The following OR10H1 variants were observed in gnomAD, a reference collection of about 807,000 sequenced individuals.
The protein encoded by OR10H1 is olfactory receptor family 10 subfamily H member 1.
OR10H1 carries 12 observed loss-of-function variants against 13.1 expected under a neutral mutation model. The ratio of observed to expected loss-of-function variants is 0.92; its 90% CI spans 0.59 to 1.48. The LOEUF is 1.48. Among genes scored for constraint, OR10H1 ranks in the 40% most tolerant of loss-of-function variants. OR10H1 has a pLI of 0.00. For synonymous variants in OR10H1, 168 were observed against 175.6 expected, an observed-to-expected ratio of 0.96 and a Z score of 0.34; for missense variants, 363 against 413.1, an observed-to-expected ratio of 0.88 and a Z score of 1.05.
chr19:15,813,596 G>A (rs2088947031), intron 1 of OR10H1, among the ~76,000 whole-genome samples: 1 of 148,726 alleles, frequency 6.7e-6, no homozygotes, highest in Non-Finnish European at 1.5e-5. Context: ...GACACAGAGA[G>A]ATGTGGGGAA....
intron 2 of OR10H1, among the ~76,000 whole-genome samples, chr19:15,809,270 TTATTTATTTATTTATG>T (rs908373056): frequency 4.2e-4 from 49 of 116,742 alleles, no homozygotes; most frequent in East Asian, 1.2e-3. Flanking sequence ...GATTATTTAT[TTATTTATTTATTTATG>T]TATTTATTTA....
rs2088912223 is a variant in OR10H1, at chr19:15,807,942, C to G, written c.96G>C (p.Leu32=). 7.4e-6 allele frequency: 12 copies of G among 1,614,058 alleles called. No individual in the cohort carries two copies. Among genetic ancestry groups the G allele is most frequent in the Non-Finnish European group, 1.0e-5 (12 of 1,180,022 alleles). ...HLQLMLFLLF[L]LMYLFTLLGN... ...CCAGCAGCGTGAACAGGTACATCAG[C>G]AGGAACAGCAGGAAGAGCATCAGCT... Residue 32 remains leucine, a synonymous_variant, in exon 4 of 4, where the codon CTG becomes CTC. Coordinates refer to ENST00000641419, the MANE Select transcript of OR10H1 (RefSeq NM_013940.4).
intron 1 of OR10H1, among the ~76,000 whole-genome samples, chr19:15,813,284 T>C (rs565410221): frequency 6.6e-6 from 1 of 152,292 alleles, no homozygotes; most frequent in Non-Finnish European, 1.5e-5. Flanking sequence ...ATAAAGTCTA[T>C]TAATTTTAAA....
At chr19:15,810,519 T>C (rs2088927374) in intron 2 of OR10H1, among the ~76,000 whole-genome samples, 1 of 152,080 alleles carries the variant, frequency 6.6e-6, no homozygotes, top group African/African-American at 2.4e-5. Flanking sequence ...TGTTTATGGC[T>C]GAACGATTTT....
chr19:15,807,773 G>A lies in OR10H1; in HGVS notation c.265C>T (p.Gln89Ter), dbSNP rs776869228. The A allele has an allele frequency of 1.9e-6, 3 of 1,608,794 alleles. No individual in the cohort carries two copies. The highest frequency in any genetic ancestry group is 2.2e-5 in the East Asian group (1 of 44,850). The change falls in exon 4 of 4, where the codon CAG (glutamine) becomes TAG (stop). Residue 89 changes from glutamine to a stop codon, truncating the protein, a stop_gained. Transcript: ENST00000641419. LOFTEE classifies it high-confidence loss of function. ...CAGGCCAGGAAGGCGATGGAGCGCT[G>A]GGTGGACAGCAGGTCGGCCAGCATG... ...PRMLADLLST[Q>*]RSIAFLACAS... is the part of the protein sequence containing the mutation.
Position 15,807,620 on chromosome 19 carries a change from C to A in OR10H1, c.418G>T (p.Gly140Cys), listed in dbSNP as rs780214769. ...GAGCAGCCCACCAGGCAGGCGCAGC[C>A]CCGCGGGCTCATGAGCACGTTGTAG... ...LRYNVLMSPR[G>C]CACLVGCSWA... Residue 140 changes from glycine (G) to cysteine (C), a missense_variant, in exon 4 of 4, where the codon GGC becomes TGC. Physicochemically the swap from Gly to Cys is radical, Grantham distance 159. Coordinates refer to ENST00000641419, the MANE Select transcript of OR10H1 (RefSeq NM_013940.4). 4.3e-6 allele frequency: 7 copies of A among 1,614,186 alleles called. No homozygotes were observed. Among genetic ancestry groups the A allele is most frequent in the African/African-American group, 2.7e-5 (2 of 75,052 alleles).
Position 15,805,764 on chromosome 19 carries a change from C to G in OR10H1, c.*1317G>C, listed in dbSNP as rs2088892735. On this transcript the variant is annotated 3_prime_UTR_variant, in exon 4 of 4. Transcript: ENST00000641419. Reference sequence around the variant, plus strand: ...CGCCTGGCCATGAGATAAACTCATCCTGGGGTCTACACTCAATGTCCAGAT... The same window carrying G: ...CGCCTGGCCATGAGATAAACTCATCGTGGGGTCTACACTCAATGTCCAGAT... 1 of 151,892 alleles carries G rather than the reference C, an allele frequency of 6.6e-6. No homozygotes were observed. The highest frequency in any genetic ancestry group is 1.5e-5 in the Non-Finnish European group (1 of 67,974). The allele number at this position is 151,892 out of a possible 1,614,324, so 9.4% of individuals were successfully genotyped here.
chr19:15,811,847 G>T (rs2088934042), intron 2 of OR10H1, among the ~76,000 whole-genome samples: 1 of 152,182 alleles, frequency 6.6e-6, no homozygotes. Context: ...TCATGACTTT[G>T]TTATGATGTT....
rs2088899052 is a variant in OR10H1, at chr19:15,807,011, G to A, written c.*70C>T. ...CAAAGTGCTGGGATTACAGGCATGA[G>A]TCACCACGGAACGTAATTTTTAACA... is the stretch of plus-strand genomic sequence containing the variant. On this transcript the variant is annotated 3_prime_UTR_variant, in exon 4 of 4. Coordinates refer to ENST00000641419, the MANE Select transcript of OR10H1 (RefSeq NM_013940.4). 9 of 1,433,946 alleles carry A rather than the reference G, an allele frequency of 6.3e-6. No individual in the cohort carries two copies. The South Asian group carries it at 1.2e-4, about 19-fold the overall frequency. The allele number at this position is 1,433,946 out of a possible 1,614,324, so 88.8% of individuals were successfully genotyped here.
intron 1 of OR10H1, among the ~76,000 whole-genome samples, 160 bp downstream of exon 1, chr19:15,815,395 C>G (rs899168013): frequency 1.3e-5 from 2 of 151,700 alleles, no homozygotes; most frequent in Non-Finnish European, 2.9e-5. Context: ...AAACAGCACA[C>G]TGACTAAGAC....
chr19:15,814,476 TGTGTGAGAGAGAGAGAGAGAGA>T (rs1166075864), intron 1 of OR10H1, among the ~76,000 whole-genome samples: 1,062 of 42,866 alleles, frequency 0.025, 13 homozygotes, highest in African/African-American at 0.12. Flanking sequence ...TGTGTGTGTG[TGTGTGAGAGAGAGAGAGAGAGA>T]GAGAGAGAGA....
chr19:15,807,310 G>A lies in OR10H1; in HGVS notation c.728C>T (p.Ala243Val). 5 of 1,613,904 alleles carry A rather than the reference G, an allele frequency of 3.1e-6. No individual in the cohort carries two copies. Among genetic ancestry groups the A allele is most frequent in the Non-Finnish European group, 4.2e-6 (5 of 1,179,812 alleles). Reference protein sequence around the residue: ...EGRNKAFSTCASHLTVVVVHY... With the variant: ...EGRNKAFSTCVSHLTVVVVHY... The stretch of plus-strand genomic sequence containing the variant: ...CACGACCACCACAGTGAGGTGAGAG[G>A]CACAGGTGGAGAAGGCCTTGTTCCG... The change falls in exon 4 of 4, where the codon GCC becomes GTC. Residue 243 changes from alanine (A) to valine (V), a missense_variant. By Grantham distance (64) the Ala-to-Val change is moderately conservative. Coordinates refer to ENST00000641419, the MANE Select transcript of OR10H1 (RefSeq NM_013940.4).
chr19:15,815,143 A>G (rs1378004017), intron 1 of OR10H1, among the ~76,000 whole-genome samples: 1 of 152,098 alleles, frequency 6.6e-6, no homozygotes. Flanking sequence ...GTTCAAGACC[A>G]GCCTGTCCAG....
In OR10H1 at chr19:15,806,882, A is replaced by C. The variant is rs1318257636; in HGVS notation, c.*199T>G. 7 of 554,698 alleles carry C rather than the reference A, an allele frequency of 1.3e-5. No individual in the cohort carries two copies. The highest frequency in any genetic ancestry group is 2.2e-5 in the Non-Finnish European group (7 of 311,684). The allele number at this position is 554,698 out of a possible 1,614,324, so 34.4% of individuals were successfully genotyped here. On this transcript the variant is annotated 3_prime_UTR_variant, in exon 4 of 4. Coordinates refer to ENST00000641419, the MANE Select transcript of OR10H1 (RefSeq NM_013940.4). ...GCTAGGGTTACAGGCATGTGCCAAC[A>C]TGCCTGGCTAATTTTTGTATTTTTA...
chr19:15,807,455 C>T lies in OR10H1; in HGVS notation c.583G>A (p.Val195Met). The T allele has an allele frequency of 2.5e-6, 4 of 1,614,208 alleles. No individual in the cohort carries two copies. Among genetic ancestry groups the T allele is most frequent in the Non-Finnish European group, 3.4e-6 (4 of 1,180,044 alleles). Residue 195 changes from valine to methionine, a missense_variant, in exon 4 of 4, where the codon GTG becomes ATG. Transcript: ENST00000641419. ...LKLACGDDVLVVAKGVGLVCI... is the reference protein window; with the variant it reads ...LKLACGDDVLMVAKGVGLVCI... ...ACCAAGCCCACGCCTTTGGCCACCA[C>T]CAGCACATCGTCTCCACAGGCCAAC...
chr19:15,814,474 TGTGTGTGA>T (rs1326312207), intron 1 of OR10H1, among the ~76,000 whole-genome samples: 121 of 31,414 alleles, frequency 3.9e-3, no homozygotes, highest in African/African-American at 0.013. Context: ...TGTGTGTGTG[TGTGTGTGA>T]GAGAGAGAGA....
At chr19:15,809,883 A>G (rs1406694987) in intron 2 of OR10H1, among the ~76,000 whole-genome samples, 1 of 151,882 alleles carries the variant, frequency 6.6e-6, no homozygotes, top group Admixed American at 6.6e-5. Context: ...CACAATTATC[A>G]TAGCTCACTG....
At position 15,806,932 on chromosome 19, in the gene OR10H1, A is replaced by G; in HGVS notation, c.*149T>C. 1 of 714,156 alleles carries G rather than the reference A, an allele frequency of 1.4e-6. No homozygotes were observed. Among genetic ancestry groups the G allele is most frequent in the South Asian group, 1.8e-5 (1 of 55,862 alleles). The allele number at this position is 714,156 out of a possible 1,614,324, so 44.2% of individuals were successfully genotyped here. On this transcript the variant is annotated 3_prime_UTR_variant, in exon 4 of 4. Transcript: ENST00000641419. ...AGTAGAGATGGGGTTTCGCCATGTT[A>G]GCCATGCTGGTCTCAAACTCCTGAC... is the stretch of plus-strand genomic sequence containing the variant.
intron 3 of OR10H1, among the ~76,000 whole-genome samples, 196 bp downstream of exon 3, chr19:15,808,529 G>T (rs1340045066): frequency 6.6e-6 from 1 of 152,140 alleles, no homozygotes. Context: ...TCCAGCCTGG[G>T]TGACAGAGCT....
Sources: allele counts gnomAD v4.1 joint callset (sites outside exome capture counted in the v4.1 genomes callset), GRCh38; gene constraint gnomAD v4.1.1; transcripts MANE v1.5; gene names NCBI Gene and HGNC (gene_info 2026-07-23, HGNC 2026-07-21).